Variants in EIF4G3 observed in about 807,000 individuals in gnomAD.
EIF4G3 encodes eukaryotic translation initiation factor 4 gamma 3.
EIF4G3 carries 34 observed loss-of-function variants against 186.4 expected under a neutral mutation model. The observed-to-expected ratio is 0.18, with a 90% CI of 0.14 to 0.24. EIF4G3 has a LOEUF of 0.24. Among genes scored for constraint, EIF4G3 ranks in the 10% least tolerant of loss-of-function variants. The pLI is 1.00. For synonymous variants in EIF4G3, 673 were observed against 679.5 expected, an observed-to-expected ratio of 0.99 and a Z score of 0.15; for missense variants, 1,536 against 1,948.5, an observed-to-expected ratio of 0.79 and a Z score of 3.99.
intron 19 of EIF4G3, 120 bp downstream of exon 19, chr1:20,886,081 T>C (rs2084038987): frequency 3.3e-6 from 4 of 1,230,576 alleles, no homozygotes; most frequent in South Asian, 1.6e-5. Context: ...ATTCTTTTAA[T>C]AGGAAAATGT....
At chr1:21,013,825 AGATTAGAACAGCT>A (rs755415620) in intron 4 of EIF4G3, among the ~76,000 whole-genome samples, 93 of 152,290 alleles carry the variant, frequency 6.1e-4, no homozygotes, top group Non-Finnish European at 4.9e-4. Context: ...CAGTCCACAA[AGATTAGAACAGCT>A]GGCTATTTAA....
At chr1:20,902,118 C>T (rs2090506775) in intron 15 of EIF4G3, among the ~76,000 whole-genome samples, 2 of 149,318 alleles carry the variant, frequency 1.3e-5, no homozygotes, top group South Asian at 4.2e-4. Context: ...AGGCTGGAGT[C>T]AGTGGCGCGA....
intron 14 of EIF4G3, among the ~76,000 whole-genome samples, chr1:20,913,641 T>C (rs2093512554): frequency 1.3e-5 from 2 of 152,186 alleles, no homozygotes; most frequent in Non-Finnish European, 2.9e-5. Flanking sequence ...TTTATTTATA[T>C]CCTCAATAAC....
At chr1:20,939,885 C>T (rs545760841) in intron 14 of EIF4G3, among the ~76,000 whole-genome samples, 5 of 121,728 alleles carry the variant, frequency 4.1e-5, no homozygotes, top group East Asian at 2.8e-4. Flanking sequence ...GATGGAGTCT[C>T]GATCTGTTGC....
At chr1:21,146,245 A>G (rs894102440) in intron 2 of EIF4G3, among the ~76,000 whole-genome samples, 1 of 152,150 alleles carries the variant, frequency 6.6e-6, no homozygotes, top group African/African-American at 2.4e-5. Flanking sequence ...AGTCCTAGCT[A>G]ATTGGGAGGC....
At chr1:20,969,370 A>G in intron 12 of EIF4G3, 104 bp downstream of exon 12, 2 of 1,366,890 alleles carry the variant, frequency 1.5e-6, no homozygotes, top group Admixed American at 2.1e-5. Flanking sequence ...CTGCGAGACA[A>G]CTGATGGAAA....
chr1:20,998,250 A>AC (rs1390474346), intron 6 of EIF4G3, among the ~76,000 whole-genome samples: 3 of 113,434 alleles, frequency 2.6e-5, no homozygotes, highest in South Asian at 5.2e-4. Context: ...CACACACACA[A>AC]GTTTAAGTTT....
intron 4 of EIF4G3, among the ~76,000 whole-genome samples, chr1:21,032,356 A>C (rs1258435879): frequency 6.6e-6 from 1 of 152,182 alleles, no homozygotes; most frequent in Non-Finnish European, 1.5e-5. Context: ...TGTACATTAC[A>C]ATTCAAAGTC....
intron 3 of EIF4G3, among the ~76,000 whole-genome samples, chr1:21,059,927 C>T (rs2094797861): frequency 6.6e-6 from 1 of 152,128 alleles, no homozygotes; most frequent in African/African-American, 2.4e-5. Flanking sequence ...GAAAGTGGAC[C>T]CTATGTGAAT....
Position 20,886,364 on chromosome 1 carries a change from T to G in EIF4G3, c.2261A>C (p.Asn754Thr), listed in dbSNP as rs2084136070. ...TPGGRGVPLL[N>T]VGSRRSQPGQ... The stretch of plus-strand genomic sequence containing the variant: ...AGGTTGAGATCTTCGTGACCCAACA[T>G]TCAACAACTAGGACAAGAATATTAC... The change falls in exon 19 of 37, where the codon AAT becomes ACT. Residue 754 changes from asparagine (N) to threonine (T), a missense_variant. Transcript: ENST00000602326. The G allele has an allele frequency of 2.5e-6, 4 of 1,613,100 alleles. No individual in the cohort carries two copies. In the East Asian group the frequency reaches 8.9e-5, roughly 36 times the overall value.
At chr1:21,056,953 T>C (rs2094587781) in intron 3 of EIF4G3, among the ~76,000 whole-genome samples, 1 of 152,232 alleles carries the variant, frequency 6.6e-6, no homozygotes, top group Admixed American at 6.5e-5. Flanking sequence ...GTACTGCTTA[T>C]TGCATTTAAA....
intron 4 of EIF4G3, among the ~76,000 whole-genome samples, chr1:21,023,238 TCCCCTCC>T (rs2091204493): frequency 8.8e-5 from 2 of 22,794 alleles, no homozygotes; most frequent in Admixed American, 4.4e-4. Flanking sequence ...TCCCTCCCCC[TCCCCTCC>T]CCCTCCCCCC....
intron 19 of EIF4G3, among the ~76,000 whole-genome samples, chr1:20,883,432 C>T (rs959214223): frequency 2.6e-5 from 4 of 152,082 alleles, no homozygotes; most frequent in African/African-American, 7.2e-5. Context: ...TCCTGGCTTA[C>T]ACGGTGAAAC....
Position 21,176,222 on chromosome 1 carries a change from G to T in EIF4G3, c.-319C>A, listed in dbSNP as rs1012987908. 9 of 420,498 alleles carry T rather than the reference G, an allele frequency of 2.1e-5. No homozygotes were observed. Among genetic ancestry groups the T allele is most frequent in the Admixed American group, 4.4e-5 (1 of 22,548 alleles). 26.0% of individuals were successfully genotyped at this position (420,498 alleles called of 1,614,324 possible). A position where few individuals can be genotyped will look rare whatever the true frequency, so the allele number is the denominator to read the frequency against. ...GGGCCCTGATGTTCGGGTGAGGAGGGGGGACCGCTGCCGCCGCCGCCGCCG... is the reference window on the plus strand; with the variant it reads ...GGGCCCTGATGTTCGGGTGAGGAGGTGGGACCGCTGCCGCCGCCGCCGCCG... On this transcript the variant is annotated 5_prime_UTR_variant, in exon 2 of 37. Coordinates refer to ENST00000602326, the MANE Select transcript of EIF4G3 (RefSeq NM_001391906.1).
chr1:21,116,725 G>C (rs76553678), intron 2 of EIF4G3, among the ~76,000 whole-genome samples: 4,356 of 151,594 alleles, frequency 0.029, 130 homozygotes, highest in East Asian at 0.14. Context: ...TGTAATCCCA[G>C]CTACTCAGGA....
At chr1:21,168,440 T>C (rs187946179) in intron 2 of EIF4G3, among the ~76,000 whole-genome samples, 2 of 151,928 alleles carry the variant, frequency 1.3e-5, no homozygotes, top group African/African-American at 4.8e-5. Context: ...TTTTTATTTT[T>C]GGGGGACAGT....
At chr1:21,128,327 G>A (rs2097090204) in intron 2 of EIF4G3, among the ~76,000 whole-genome samples, 1 of 151,822 alleles carries the variant, frequency 6.6e-6, no homozygotes, top group Admixed American at 6.6e-5. Context: ...TGGCAAACAT[G>A]GTGAAACCCC....
chr1:20,983,779 C>T (rs555602197), intron 7 of EIF4G3, among the ~76,000 whole-genome samples: 8 of 152,290 alleles, frequency 5.3e-5, no homozygotes, highest in African/African-American at 1.9e-4. Flanking sequence ...TATGGTAACA[C>T]TATCATCAAA....
At chr1:20,849,904 T>G (rs2072710282) in intron 28 of EIF4G3, among the ~76,000 whole-genome samples, 1 of 152,180 alleles carries the variant, frequency 6.6e-6, no homozygotes, top group African/African-American at 2.4e-5. Flanking sequence ...GGCAGCTGCT[T>G]GAACAAACCG....
Sources: gnomAD v4.1 joint callset for allele counts (sites outside exome capture counted in the v4.1 genomes callset) on GRCh38, gnomAD v4.1.1 for gene constraint, MANE v1.5 for transcripts, NCBI Gene and HGNC (gene_info 2026-07-23, HGNC 2026-07-21) for gene names.